Variants in QKI observed in about 807,000 individuals in gnomAD.
The protein encoded by QKI is QKI, KH domain containing RNA binding.
In QKI, 10 loss-of-function variants were observed where a neutral mutation model predicts 39.0. The observed-to-expected ratio is 0.26, with a 90% confidence interval of 0.16 to 0.43. QKI has a LOEUF of 0.43. Among genes scored for constraint, QKI ranks in the 20% least tolerant of loss-of-function variants. The pLI is 1.00. For missense variants in QKI, 218 were observed against 428.0 expected (o/e 0.51, Z 4.33); for synonymous variants, 204 against 155.4 (o/e 1.31, Z -2.33).
intron 1 of QKI, among the ~76,000 whole-genome samples, chr6:163,430,889 C>T (rs1430950180): frequency 6.6e-6 from 1 of 152,168 alleles, no homozygotes; most frequent in Non-Finnish European, 1.5e-5. Flanking sequence ...CCAGGAAGTT[C>T]TGCATACTCC....
chr6:163,417,478 T>C (rs1401025332), intron 1 of QKI, among the ~76,000 whole-genome samples: 1 of 152,226 alleles, frequency 6.6e-6, no homozygotes. Flanking sequence ...AAAGGCTTCT[T>C]GTGCTTTTAT....
Position 163,440,907 on chromosome 6 carries a change from G to A in QKI, c.143-14372G>A, listed in dbSNP as rs556660165. On this transcript the variant is annotated intron_variant, in intron 1 of 7. Coordinates refer to ENST00000361752, the MANE Select transcript of QKI (RefSeq NM_006775.3). ...TTAAAACAGGTTATACTTTATTCAG[G>A]TCAGTTCAATTTTGTAAAGTTTTTA... 2.0e-5 allele frequency among the ~76,000 whole-genome samples: 3 copies of A among 151,860 alleles called. No homozygotes were observed. The South Asian group carries it at 6.2e-4, about 32-fold the overall frequency.
At chr6:163,474,142 G>C (rs1234604) in intron 2 of QKI, among the ~76,000 whole-genome samples, 1 of 152,100 alleles carries the variant, frequency 6.6e-6, no homozygotes, top group African/African-American at 2.4e-5. Context: ...CTTGTAGTTG[G>C]GAACTCTTAG....
At chr6:163,509,071 G>A (rs1482282698) in intron 3 of QKI, among the ~76,000 whole-genome samples, 3 of 152,138 alleles carry the variant, frequency 2.0e-5, no homozygotes, top group Non-Finnish European at 4.4e-5. Context: ...TCCGGGAGGC[G>A]GAGTTGCAGT....
intron 3 of QKI, among the ~76,000 whole-genome samples, chr6:163,509,775 G>A (rs958931163): frequency 4.6e-5 from 7 of 151,866 alleles, no homozygotes; most frequent in African/African-American, 7.3e-5. Context: ...GGAAGCTAAG[G>A]AACAAAATAC....
At chr6:163,531,953 A>C (rs1780880299) in intron 3 of QKI, among the ~76,000 whole-genome samples, 1 of 152,246 alleles carries the variant, frequency 6.6e-6, no homozygotes, top group Non-Finnish European at 1.5e-5. Flanking sequence ...ATTTTGAAGC[A>C]AACAGGGTAG....
At chr6:163,564,226 A>G (rs1322846262) in intron 6 of QKI, 9 of 1,031,220 alleles carry the variant, frequency 8.7e-6, no homozygotes, top group Non-Finnish European at 1.0e-5. Context: ...ACAGTCATGC[A>G]TCGCTTAACA....
chr6:163,568,735 C>G, intron 7 of QKI: 1 of 985,172 alleles, frequency 1.0e-6, no homozygotes, highest in Non-Finnish European at 1.2e-6. Context: ...TCTATATGAA[C>G]GTTTAGAGTA....
rs1777609590 is a variant in QKI, at chr6:163,576,961, C to T, written c.*6251C>T. ...CTGTGCATCCAAAACATTTTTTTAT[C>T]TTTAATAAATGGTACAGTTTTTATG... is the stretch of plus-strand genomic sequence containing the variant. On this transcript the variant is annotated 3_prime_UTR_variant, in exon 8 of 8. Coordinates refer to ENST00000361752, the MANE Select transcript of QKI (RefSeq NM_006775.3). 1 of 152,080 alleles carries T rather than the reference C, an allele frequency of 6.6e-6. No individual in the cohort carries two copies. The highest frequency in any genetic ancestry group is 2.4e-5 in the African/African-American group (1 of 41,410). The allele number at this position is 152,080 out of a possible 1,614,324, so 9.4% of individuals were successfully genotyped here. A position where few individuals can be genotyped will look rare whatever the true frequency, so the allele number is the denominator to read the frequency against.
chr6:163,438,648 T>G (rs1789494382), intron 1 of QKI, among the ~76,000 whole-genome samples: 2 of 151,850 alleles, frequency 1.3e-5, no homozygotes, highest in South Asian at 2.1e-4. Flanking sequence ...AGTAAAAATG[T>G]GGTATAAAAG....
chr6:163,423,961 A>G (rs935421986), intron 1 of QKI, among the ~76,000 whole-genome samples: 11 of 152,218 alleles, frequency 7.2e-5, no homozygotes, highest in African/African-American at 2.7e-4. Context: ...TATATCAGGT[A>G]GATAACTGAA....
At chr6:163,464,465 G>T (rs1345479694) in intron 2 of QKI, among the ~76,000 whole-genome samples, 1 of 151,512 alleles carries the variant, frequency 6.6e-6, no homozygotes, top group Non-Finnish European at 1.5e-5. Flanking sequence ...CCTTTAGTTG[G>T]ACTAACCAAG....
chr6:163,510,631 A>T (rs529773754), intron 3 of QKI, among the ~76,000 whole-genome samples: 2 of 152,224 alleles, frequency 1.3e-5, no homozygotes, highest in Non-Finnish European at 1.5e-5. Context: ...ATTGAAAAGC[A>T]TATTTTAAGA....
At chr6:163,543,497 T>C (rs1017730452) in intron 4 of QKI, among the ~76,000 whole-genome samples, 1 of 152,038 alleles carries the variant, frequency 6.6e-6, no homozygotes, top group Non-Finnish European at 1.5e-5. Flanking sequence ...GAATTACCAT[T>C]GTAATGGTTT....
intron 1 of QKI, chr6:163,415,805 G>T (rs1787411120): frequency 4.6e-6 from 2 of 438,966 alleles, no homozygotes; most frequent in Non-Finnish European, 9.1e-6. Flanking sequence ...GACCCCCACC[G>T]CCCCGCGTTC....
chr6:163,460,223 T>C (rs1791244385), intron 2 of QKI, among the ~76,000 whole-genome samples: 2 of 152,214 alleles, frequency 1.3e-5, no homozygotes, highest in Non-Finnish European at 2.9e-5. Context: ...TATGTGAATA[T>C]AATTCTGATT....
intron 4 of QKI, among the ~76,000 whole-genome samples, chr6:163,557,476 A>G (rs1409726462): frequency 6.6e-6 from 1 of 152,190 alleles, no homozygotes; most frequent in Non-Finnish European, 1.5e-5. Context: ...GGAGCTAAAA[A>G]AATTAAGTCA....
intron 7 of QKI, chr6:163,569,353 A>C: frequency 8.3e-7 from 1 of 1,206,100 alleles, no homozygotes; most frequent in Non-Finnish European, 1.0e-6. Flanking sequence ...ACTGAACATT[A>C]CACCTTCTGG....
intron 2 of QKI, among the ~76,000 whole-genome samples, chr6:163,472,160 A>G (rs1792249291): frequency 6.6e-6 from 1 of 152,214 alleles, no homozygotes; most frequent in Non-Finnish European, 1.5e-5. Context: ...GATAACATAA[A>G]CAGTTGATCA....
Sources: allele counts gnomAD v4.1 joint callset (sites outside exome capture counted in the v4.1 genomes callset), GRCh38; gene constraint gnomAD v4.1.1; transcripts MANE v1.5; gene names NCBI Gene and HGNC (gene_info 2026-07-23, HGNC 2026-07-21).